ABR: variants seen among roughly 807,000 people sequenced by gnomAD.
The protein encoded by ABR is active breakpoint cluster region-related protein.
Under a neutral mutation model 107.2 loss-of-function variants are expected in ABR, and 35 were observed. That is an observed-to-expected ratio of 0.33 (90% CI 0.25 to 0.43). ABR has a LOEUF of 0.43. Ranked by LOEUF, ABR falls within the 20% of genes least tolerant of loss-of-function variation. The pLI, the probability that ABR is intolerant of heterozygous loss-of-function variation, is 1.00. For missense variants in ABR, 815 were observed against 1,115.2 expected, an observed-to-expected ratio of 0.73 and a Z score of 3.83; for synonymous variants, 498 against 462.0, an observed-to-expected ratio of 1.08 and a Z score of -1.00.
intron 1 of ABR, among the ~76,000 whole-genome samples, chr17:1,203,595 C>T (rs112782871): frequency 0.11 from 17,203 of 150,476 alleles, 1,258 homozygotes; most frequent in Middle Eastern, 0.17. Context: ...TTAATCCAGT[C>T]GGGAACCCCT....
intron 1 of ABR, among the ~76,000 whole-genome samples, chr17:1,127,268 C>T (rs1323460202): frequency 6.6e-6 from 1 of 151,074 alleles, no homozygotes; most frequent in Non-Finnish European, 1.5e-5. Flanking sequence ...ACCACACACC[C>T]GGGCAGGACC....
chr17:1,217,490 G>T (rs1424489642), intron 1 of ABR, among the ~76,000 whole-genome samples: 1 of 152,098 alleles, frequency 6.6e-6, no homozygotes, highest in African/African-American at 2.4e-5. Flanking sequence ...CTGGTTCAAG[G>T]TATGTTATAT....
intron 1 of ABR, among the ~76,000 whole-genome samples, chr17:1,146,804 TGCCACCAG>T (rs2040563457): frequency 1.4e-5 from 2 of 142,934 alleles, no homozygotes; most frequent in East Asian, 2.5e-4. Flanking sequence ...ATGCCACCAC[TGCCACCAG>T]GCCACCACTG....
chr17:1,059,149 A>T (rs2033656819), intron 10 of ABR, among the ~76,000 whole-genome samples: 1 of 151,768 alleles, frequency 6.6e-6, no homozygotes, highest in South Asian at 2.1e-4. Flanking sequence ...TCTCTACCTG[A>T]CGCTCACTCG....
rs140254855 is a variant in ABR at position 1,056,108 on chromosome 17, G to A, written c.1488C>T (p.Asp496=). ...HNIPVTSNKD[D]DESPGLYGFL... ...AGCCATAGAGTCCTGGAGACTCATCGTCTGCAAGAGAGAAAAGCCCCCAGG... is the reference window on the plus strand; with the variant it reads ...AGCCATAGAGTCCTGGAGACTCATCATCTGCAAGAGAGAAAAGCCCCCAGG... Residue 496 remains aspartate, a splice_region_variant and synonymous_variant, in exon 14 of 23, where the codon GAC becomes GAT. Coordinates refer to ENST00000302538, the MANE Select transcript of ABR (RefSeq NM_021962.5). The A allele has an allele frequency of 6.4e-5, 104 of 1,613,854 alleles. No homozygotes were observed. Among genetic ancestry groups the A allele is most frequent in the South Asian group, 7.7e-5 (7 of 91,084 alleles).
chr17:1,174,014 G>A (rs1053529077), intron 1 of ABR, among the ~76,000 whole-genome samples: 9 of 152,302 alleles, frequency 5.9e-5, no homozygotes, highest in East Asian at 1.9e-4. Flanking sequence ...GGAAGGTACC[G>A]GAATTGTCCC....
At chr17:1,029,734 T>C (rs2150898041) in intron 16 of ABR, among the ~76,000 whole-genome samples, 1 of 152,284 alleles carries the variant, frequency 6.6e-6, no homozygotes, top group South Asian at 2.1e-4. Context: ...GCCCTTTGAC[T>C]CTGCTGCTCA....
Position 1,067,102 on chromosome 17 carries a change from G to T in ABR, c.1157C>A (p.Ala386Asp). 1 of 1,613,644 alleles carries T rather than the reference G, an allele frequency of 6.2e-7. No homozygotes were observed. Among genetic ancestry groups the T allele is most frequent in the Non-Finnish European group, 8.5e-7 (1 of 1,179,892 alleles). Residue 386 changes from alanine to aspartate, a missense_variant, in exon 10 of 23, where the codon GCC becomes GAC. Around this residue, in one of 5 missense-constraint regions of ABR, gnomAD observed 385 missense variants for 596.9 expected, o/e 0.64. Transcript: ENST00000302538. ...CTCCTTCTGGATTTCACTCTTGAGG[G>T]CAGAGATCTTCATCTTCATGTCCTC... ...ELEDMKMKISALKSEIQKEKA... is the reference protein window; with the variant it reads ...ELEDMKMKISDLKSEIQKEKA...
chr17:1,012,619 T>C, intron 18 of ABR, 69 bp downstream of exon 18: 1 of 1,179,708 alleles, frequency 8.5e-7, no homozygotes. Context: ...CGGGGAGGGC[T>C]GGGGGGCCCG....
intron 16 of ABR, among the ~76,000 whole-genome samples, chr17:1,033,996 T>C (rs781627646): frequency 2.8e-5 from 4 of 144,896 alleles, no homozygotes; most frequent in Non-Finnish European, 4.5e-5. Flanking sequence ...TTTGAGGCAG[T>C]GTCTTGCTCT....
intron 1 of ABR, among the ~76,000 whole-genome samples, chr17:1,140,267 G>T (rs113575679): frequency 2.0e-5 from 3 of 152,294 alleles, no homozygotes; most frequent in African/African-American, 4.8e-5. Context: ...GGACAGGAAG[G>T]GGGAGCTGGT....
chr17:1,183,830 C>A (rs1453669120), upstream of ABR, among the ~76,000 whole-genome samples: 1 of 152,172 alleles, frequency 6.6e-6, no homozygotes, highest in African/African-American at 2.4e-5. Flanking sequence ...GGGCCCTCTA[C>A]ATTCAAATGA....
At position 1,025,119 on chromosome 17, in the gene ABR, CAAAA is replaced by C. The variant is rs71272843; in HGVS notation, c.1792-11959_1792-11956del. On this transcript the variant is annotated intron_variant, in intron 16 of 22. Coordinates refer to ENST00000302538, the MANE Select transcript of ABR (RefSeq NM_021962.5). Reference sequence around the variant, plus strand: ...CCTGGGCGACAGCGAGACTCCGTCTCAAAAAAAAAAAAAAAAAAATACAAAACTT... The same window carrying C: ...CCTGGGCGACAGCGAGACTCCGTCTCAAAAAAAAAAAAAAATACAAAACTT... 1.4e-3 allele frequency among the ~76,000 whole-genome samples: 54 copies of C among 37,700 alleles called. 1 individual carries two copies. Among genetic ancestry groups the C allele is most frequent in the African/African-American group, 4.1e-3 (47 of 11,556 alleles). 24.7% of individuals were successfully genotyped at this position (37,700 alleles called of 152,430 possible). A position where few individuals can be genotyped will look rare whatever the true frequency, so the allele number is the denominator to read the frequency against.
chr17:1,182,362 C>T (rs9893267), upstream of ABR: 119,682 of 152,200 alleles, frequency 0.79, 47,965 homozygotes, highest in Middle Eastern at 0.89. Flanking sequence ...TGCTCTTTTT[C>T]TGTTTGTTTG....
At chr17:1,056,899 C>T in intron 13 of ABR, 99 bp downstream of exon 13, 1 of 780,264 alleles carries the variant, frequency 1.3e-6, no homozygotes, top group Non-Finnish European at 2.2e-6. Flanking sequence ...AGGGATCAGC[C>T]ATTTACAGCC....
intron 16 of ABR, among the ~76,000 whole-genome samples, chr17:1,041,757 TAAAAG>T (rs1179824991): frequency 2.0e-5 from 3 of 151,858 alleles, no homozygotes; most frequent in African/African-American, 7.3e-5. Context: ...AGTAAATAAA[TAAAAG>T]AAGAAACTGA....
rs954389699 is a variant in ABR, at chr17:1,037,304, C to T, written c.1791+12746G>A. On this transcript the variant is annotated intron_variant, in intron 16 of 22. Coordinates refer to ENST00000302538, the MANE Select transcript of ABR (RefSeq NM_021962.5). The surrounding 1 kb of genome is among the most constrained non-coding windows in gnomAD (Gnocchi z 4.6). The stretch of plus-strand genomic sequence containing the variant: ...CCTGTGCCGGCTCATAGGGCAGTCC[C>T]GAGTACGTGCTGCTTCTCACACAGC... 5.9e-5 allele frequency among the ~76,000 whole-genome samples: 9 copies of T among 152,196 alleles called. No homozygotes were observed. Among genetic ancestry groups the T allele is most frequent in the African/African-American group, 1.2e-4 (5 of 41,436 alleles).
At chr17:1,201,248 G>A (rs1004864851) in intron 1 of ABR, among the ~76,000 whole-genome samples, 4 of 152,118 alleles carry the variant, frequency 2.6e-5, no homozygotes, top group Non-Finnish European at 5.9e-5. Context: ...TCAGGATGTG[G>A]GTTCTAGAGA....
At chr17:1,083,889 C>G in intron 4 of ABR, 1 of 422,412 alleles carries the variant, frequency 2.4e-6, no homozygotes, top group South Asian at 2.5e-5. Context: ...CTTTGTTGGC[C>G]TGCTAGAAAT....
Sources: gnomAD v4.1 joint callset for allele counts (sites outside exome capture counted in the v4.1 genomes callset) on GRCh38, gnomAD v4.1.1 for gene constraint, gnomAD v4.1.1 regional missense constraint, Gnocchi (gnomAD v3.1) non-coding constraint, MANE v1.5 for transcripts, NCBI Gene and HGNC (gene_info 2026-07-23, HGNC 2026-07-21) for gene names.